Variants in ATP8A2 observed in about 807,000 individuals in gnomAD.
ATP8A2 encodes the protein phospholipid-transporting ATPase IB.
In ATP8A2, 100 loss-of-function variants were observed where a neutral mutation model predicts 165.6. That is an observed-to-expected ratio of 0.60 (90% CI 0.51 to 0.71). The LOEUF (loss-of-function observed/expected upper bound fraction) is 0.71, where lower values mean the gene tolerates loss of function less well. Ranked by LOEUF, ATP8A2 falls within the 30% of genes least tolerant of loss-of-function variation. The pLI, the probability that ATP8A2 is intolerant of heterozygous loss-of-function variation, is 0.00. For synonymous variants in ATP8A2, 543 were observed against 548.8 expected (o/e 0.99, Z 0.15); for missense variants, 1,227 against 1,479.5 (o/e 0.83, Z 2.80).
chr13:25,994,943 G>T (rs2139302363), intron 35 of ATP8A2, among the ~76,000 whole-genome samples: 1 of 152,064 alleles, frequency 6.6e-6, no homozygotes. Flanking sequence ...ATGTAGAACT[G>T]GTGGTAAGTC....
chr13:25,654,953 G>A (rs575789992), intron 24 of ATP8A2, among the ~76,000 whole-genome samples: 1 of 152,174 alleles, frequency 6.6e-6, no homozygotes, highest in Non-Finnish European at 1.5e-5. Context: ...CCAGGGTTAT[G>A]TTAACTGCCC....
At chr13:25,700,926 T>C (rs1485681401) in intron 25 of ATP8A2, among the ~76,000 whole-genome samples, 1 of 152,230 alleles carries the variant, frequency 6.6e-6, no homozygotes, top group Middle Eastern at 3.2e-3. Context: ...TCCTTTTGGT[T>C]TGAATTTTTC....
At chr13:26,007,424 A>G (rs1016812131) in intron 35 of ATP8A2, among the ~76,000 whole-genome samples, 3 of 152,216 alleles carry the variant, frequency 2.0e-5, no homozygotes, top group Non-Finnish European at 4.4e-5. Context: ...AAGCTTTGTC[A>G]TATCCTTTGC....
intron 24 of ATP8A2, among the ~76,000 whole-genome samples, chr13:25,694,427 C>T (rs17623935): frequency 0.1 from 15,941 of 152,164 alleles, 959 homozygotes; most frequent in East Asian, 0.26. Flanking sequence ...TCTTTGGTGA[C>T]GTGCTTCTCA....
intron 13 of ATP8A2, among the ~76,000 whole-genome samples, chr13:25,558,699 A>C (rs1392313003): frequency 1.3e-5 from 2 of 152,146 alleles, no homozygotes; most frequent in Admixed American, 1.3e-4. Flanking sequence ...ATGATGGTGC[A>C]TATCATTCAG....
chr13:25,839,037 T>G lies in ATP8A2; in HGVS notation c.2878-509T>G, dbSNP rs1205638077. Among the ~76,000 whole-genome samples, 4 of 152,104 alleles carry G rather than the reference T, an allele frequency of 2.6e-5. 1 individual carries two copies. Among genetic ancestry groups the G allele is most frequent in the African/African-American group, 7.2e-5 (3 of 41,392 alleles). ...AAAAGAAGAAGTTGAGTGAGAGGGA[T>G]TTGAAGTAGTAAAACAAAAGAGTGA... On this transcript the variant is annotated intron_variant, in intron 29 of 36. Coordinates refer to ENST00000381655, the MANE Select transcript of ATP8A2 (RefSeq NM_016529.6).
intron 1 of ATP8A2, among the ~76,000 whole-genome samples, chr13:25,457,593 A>G (rs2035398293): frequency 6.6e-6 from 1 of 152,230 alleles, no homozygotes; most frequent in Non-Finnish European, 1.5e-5. Context: ...AATGCTTAGA[A>G]CAGTGGTAGG....
chr13:25,784,744 C>T (rs1274910055), intron 27 of ATP8A2, among the ~76,000 whole-genome samples: 1 of 152,074 alleles, frequency 6.6e-6, no homozygotes, highest in Non-Finnish European at 1.5e-5. Flanking sequence ...CTATACCCTT[C>T]AAGTACTAGA....
chr13:25,985,079 C>G (rs908327718), intron 35 of ATP8A2, among the ~76,000 whole-genome samples: 32 of 152,352 alleles, frequency 2.1e-4, no homozygotes, highest in African/African-American at 7.7e-4. Flanking sequence ...TTTAGAATGA[C>G]ATTGCATTGG....
chr13:25,865,462 A>G (rs1014957695), intron 33 of ATP8A2, among the ~76,000 whole-genome samples: 2 of 152,234 alleles, frequency 1.3e-5, no homozygotes, highest in African/African-American at 2.4e-5. Flanking sequence ...CTGTCTATTC[A>G]TAACATCTTC....
intron 27 of ATP8A2, 65 bp from the exon 28 acceptor site, chr13:25,828,053 T>C (rs1256809385): frequency 2.4e-5 from 32 of 1,319,524 alleles, no homozygotes; most frequent in Non-Finnish European, 3.3e-5. Context: ...CCGCTACTTC[T>C]TCAGTGAATG....
chr13:25,554,966 C>G (rs1458568327), intron 12 of ATP8A2, 25 bp from the exon 13 acceptor site: 1 of 1,461,760 alleles, frequency 6.8e-7, no homozygotes, highest in African/African-American at 1.4e-5. Flanking sequence ...TTCTGAAATC[C>G]TGTCTCTTGT....
rs952769471 is a variant in ATP8A2, at chr13:25,743,818, T to C, written c.2385-25228T>C. On this transcript the variant is annotated intron_variant, in intron 25 of 36. Transcript: ENST00000381655. ...CCTTAGCAAGAACACTAATTAGTTA[T>C]GAAAACCTATATTGATGAATGAGGT... 3.9e-5 allele frequency among the ~76,000 whole-genome samples: 6 copies of C among 152,338 alleles called. No homozygotes were observed. The East Asian group carries it at 1.2e-3, about 29-fold the overall frequency.
chr13:25,486,473 T>A (rs181254688), intron 2 of ATP8A2, among the ~76,000 whole-genome samples: 4 of 152,334 alleles, frequency 2.6e-5, no homozygotes, highest in African/African-American at 9.6e-5. Flanking sequence ...TTATGTGCCA[T>A]TTTTTTGAAC....
At chr13:25,674,311 T>TGCTTTATTTTTTGTTTTCAACC (rs2042328673) in intron 24 of ATP8A2, among the ~76,000 whole-genome samples, 1 of 152,050 alleles carries the variant, frequency 6.6e-6, no homozygotes, top group South Asian at 2.1e-4. Flanking sequence ...CTCTTTTAGC[T>TGCTTTATTTTTTGTTTTCAACC]GCTTTATTTT....
intron 33 of ATP8A2, among the ~76,000 whole-genome samples, chr13:25,905,314 G>C (rs1000054040): frequency 1.3e-5 from 2 of 152,008 alleles, no homozygotes; most frequent in African/African-American, 4.8e-5. Flanking sequence ...AAAACGATAA[G>C]TTTTTCTCTT....
chr13:25,881,901 G>T (rs1212366265), intron 33 of ATP8A2, among the ~76,000 whole-genome samples: 1 of 152,202 alleles, frequency 6.6e-6, no homozygotes, highest in Admixed American at 6.5e-5. Context: ...AAGGCAGAGA[G>T]GTCCTGGGTG....
At chr13:25,452,225 G>A (rs2035248198) in intron 1 of ATP8A2, among the ~76,000 whole-genome samples, 1 of 152,176 alleles carries the variant, frequency 6.6e-6, no homozygotes, top group Non-Finnish European at 1.5e-5. Context: ...TCACAACCCA[G>A]CTCAGATGGT....
At chr13:25,482,145 AT>A (rs1338615384) in intron 2 of ATP8A2, among the ~76,000 whole-genome samples, 2 of 152,184 alleles carry the variant, frequency 1.3e-5, no homozygotes, top group Non-Finnish European at 2.9e-5. Flanking sequence ...CTCTGATAGC[AT>A]CTTCCCAAAC....
Sources: gnomAD v4.1 joint callset for allele counts (sites outside exome capture counted in the v4.1 genomes callset) on GRCh38, gnomAD v4.1.1 for gene constraint, MANE v1.5 for transcripts, NCBI Gene and HGNC (gene_info 2026-07-23, HGNC 2026-07-21) for gene names.